Variants in DGCR2 observed in about 807,000 individuals in gnomAD.
DGCR2 encodes the protein integral membrane protein DGCR2/IDD.
Under a neutral mutation model 51.6 loss-of-function variants are expected in DGCR2, and 24 were observed. The ratio of observed to expected loss-of-function variants is 0.47; its 90% CI spans 0.34 to 0.65. The LOEUF is 0.65. Ranked by LOEUF, DGCR2 falls within the 30% of genes least tolerant of loss-of-function variation. The pLI is 0.01. For missense variants in DGCR2, 765 were observed against 772.1 expected (o/e 0.99, Z 0.11); for synonymous variants, 340 against 315.4 (o/e 1.08, Z -0.82).
chr22:19,121,468 T>G (rs1348417469), intron 1 of DGCR2: 1 of 152,218 alleles, frequency 6.6e-6, no homozygotes, highest in Non-Finnish European at 1.5e-5. Context: ...GGTCTCCTGG[T>G]TGCCACGGTT....
intron 2 of DGCR2, among the ~76,000 whole-genome samples, chr22:19,080,839 A>C (rs1047425636): frequency 2.6e-5 from 4 of 152,202 alleles, no homozygotes; most frequent in African/African-American, 9.7e-5. Context: ...GTCTCAAAAA[A>C]AAGAAATGAA....
intron 1 of DGCR2, among the ~76,000 whole-genome samples, chr22:19,112,108 A>C (rs2083322100): frequency 6.6e-6 from 1 of 151,980 alleles, no homozygotes; most frequent in African/African-American, 2.4e-5. Flanking sequence ...CCCCATCTCC[A>C]CTAAAAATAC....
intron 2 of DGCR2, among the ~76,000 whole-genome samples, chr22:19,069,908 C>T (rs942383255): frequency 1.4e-4 from 22 of 152,094 alleles, no homozygotes; most frequent in African/African-American, 7.2e-5. Context: ...TACCTGTGTC[C>T]GAGACACTTT....
Position 19,084,798 on chromosome 22 carries a change from G to A in DGCR2, c.202+4570C>T, listed in dbSNP as rs1391958933. Among the ~76,000 whole-genome samples, 110 of 118,506 alleles carry A rather than the reference G, an allele frequency of 9.3e-4. 1 individual carries two copies. The highest frequency in any genetic ancestry group is 3.1e-3 in the East Asian group (13 of 4,236). The allele number at this position is 118,506 out of a possible 152,430, so 77.7% of individuals were successfully genotyped here. A position where few individuals can be genotyped will look rare whatever the true frequency, so the allele number is the denominator to read the frequency against. On this transcript the variant is annotated intron_variant, in intron 2 of 9. Coordinates refer to ENST00000263196, the MANE Select transcript of DGCR2 (RefSeq NM_005137.3). Reference sequence around the variant, plus strand: ...CCCCGCCCGGCCAGCCGCCCCGTCCGGGAAGGAGGTGGGGGGGCGCCTCCG... The same window carrying A: ...CCCCGCCCGGCCAGCCGCCCCGTCCAGGAAGGAGGTGGGGGGGCGCCTCCG...
Position 19,063,204 on chromosome 22 carries a change from T to A in DGCR2, c.623A>T (p.Lys208Ile), listed in dbSNP as rs760849958. 1 of 1,614,154 alleles carries A rather than the reference T, an allele frequency of 6.2e-7. No individual in the cohort carries two copies. The highest frequency in any genetic ancestry group is 1.7e-5 in the Admixed American group (1 of 60,028). ...SLEGRWEVAF[K>I]GSSEVFLPPD... is the part of the protein sequence containing the mutation. ...TCCCACACACCAGAAGGGCTCACCT[T>A]TGAATGCCACCTCCCAGCGACCTTC... The change falls in exon 5 of 10, where the codon AAA becomes ATA. Residue 208 changes from lysine (K) to isoleucine (I), a missense_variant and splice_region_variant. By Grantham distance (102) the Lys-to-Ile change is moderately radical. Around this residue, in one of 3 missense-constraint regions of DGCR2, gnomAD observed 370 missense variants for 325.5 expected, o/e 1.14. Coordinates refer to ENST00000263196, the MANE Select transcript of DGCR2 (RefSeq NM_005137.3).
chr22:19,096,897 A>C (rs565189539), intron 1 of DGCR2, among the ~76,000 whole-genome samples: 57 of 151,466 alleles, frequency 3.8e-4, no homozygotes, highest in South Asian at 1.0e-3. Context: ...AAAAAAACAA[A>C]AAAAAAAAAC....
chr22:19,119,263 C>T (rs2083406052), intron 1 of DGCR2, among the ~76,000 whole-genome samples: 1 of 152,186 alleles, frequency 6.6e-6, no homozygotes, highest in Non-Finnish European at 1.5e-5. Flanking sequence ...GAAGGCCAGA[C>T]TCCTACGATG....
At chr22:19,043,374 G>A (rs117496675) in intron 7 of DGCR2, among the ~76,000 whole-genome samples, 3 of 152,304 alleles carry the variant, frequency 2.0e-5, no homozygotes, top group South Asian at 2.1e-4. Context: ...ACAGGGGCTC[G>A]ATATGAGCTG....
chr22:19,044,462 G>C (rs1243316463), intron 7 of DGCR2, among the ~76,000 whole-genome samples: 2 of 152,240 alleles, frequency 1.3e-5, no homozygotes, highest in African/African-American at 4.8e-5. Context: ...ATGGGGAGCA[G>C]AAGGTCAGCA....
intron 2 of DGCR2, among the ~76,000 whole-genome samples, chr22:19,074,835 G>A (rs1262166592): frequency 6.6e-6 from 1 of 152,144 alleles, no homozygotes; most frequent in Non-Finnish European, 1.5e-5. Context: ...AGCTGCCGCT[G>A]AGGCATCTAC....
In DGCR2 at chr22:19,064,888, C is replaced by T. The variant is rs758777267; in HGVS notation, c.508G>A (p.Asp170Asn). The part of the protein sequence containing the change: ...ELRFVLAQEW[D>N]QPERSFGWKD... ...CAACCAAAGCTCCGCTCGGGCTGGT[C>T]CCATTCCTGGGCCAGGACAAAGCGC... Residue 170 changes from aspartate (D) to asparagine (N), a missense_variant, in exon 4 of 10, where the codon GAC (aspartate) becomes AAC (asparagine). This residue lies in a region of DGCR2 where 370 missense variants were observed against 325.5 expected (regional missense o/e 1.14). Coordinates refer to ENST00000263196, the MANE Select transcript of DGCR2 (RefSeq NM_005137.3). The T allele has an allele frequency of 1.9e-6, 3 of 1,613,756 alleles. No homozygotes were observed. The highest frequency in any genetic ancestry group is 2.5e-6 in the Non-Finnish European group (3 of 1,180,020).
chr22:19,085,161 G>A (rs548238565), intron 2 of DGCR2, among the ~76,000 whole-genome samples: 117 of 151,698 alleles, frequency 7.7e-4, no homozygotes, highest in Middle Eastern at 3.4e-3. Flanking sequence ...CATGCTAAGG[G>A]ATTTCTAACA....
chr22:19,046,510 T>C (rs1239005442), intron 7 of DGCR2: 3 of 161,548 alleles, frequency 1.9e-5, no homozygotes, highest in African/African-American at 7.2e-5. Context: ...TTTTCATTTC[T>C]TCTTGCCTTC....
intron 2 of DGCR2, among the ~76,000 whole-genome samples, chr22:19,084,036 G>C (rs1024923467): frequency 1.3e-5 from 2 of 152,126 alleles, no homozygotes; most frequent in African/African-American, 4.8e-5. Context: ...ATGTTGCCCA[G>C]GCCGAAGTGC....
intron 3 of DGCR2, among the ~76,000 whole-genome samples, chr22:19,067,411 G>T (rs2145974551): frequency 6.6e-6 from 1 of 152,126 alleles, no homozygotes; most frequent in South Asian, 2.1e-4. Flanking sequence ...TTCTTAAAAT[G>T]GCTGGACACA....
At chr22:19,098,228 C>T (rs1391045428) in intron 1 of DGCR2, among the ~76,000 whole-genome samples, 1 of 152,214 alleles carries the variant, frequency 6.6e-6, no homozygotes, top group African/African-American at 2.4e-5. Flanking sequence ...ACACCACTCT[C>T]CAGGAACCCC....
chr22:19,099,124 A>G (rs2083172296), intron 1 of DGCR2, among the ~76,000 whole-genome samples: 1 of 152,162 alleles, frequency 6.6e-6, no homozygotes, highest in Non-Finnish European at 1.5e-5. Flanking sequence ...ACTCATTAAC[A>G]CTGGCACCTA....
chr22:19,090,036 C>T lies in DGCR2; in HGVS notation c.80-546G>A, dbSNP rs754156949. 6.6e-5 allele frequency among the ~76,000 whole-genome samples: 10 copies of T among 152,178 alleles called. 1 individual carries two copies. The highest frequency in any genetic ancestry group is 1.0e-4 in the Non-Finnish European group (7 of 68,038). On this transcript the variant is annotated intron_variant, in intron 1 of 9. Transcript: ENST00000263196. Reference sequence around the variant, plus strand: ...CATTTAATGCCTGGCCCTTTACGAACCTATTACCTAGAGATAAAAACTGTA... The same window carrying T: ...CATTTAATGCCTGGCCCTTTACGAATCTATTACCTAGAGATAAAAACTGTA...
In DGCR2 at chr22:19,122,239, G is replaced by A. The variant is rs536117519; in HGVS notation, c.-33C>T. 7.0e-7 allele frequency: 1 copy of A among 1,437,886 alleles called. No individual in the cohort carries two copies. Among genetic ancestry groups the A allele is most frequent in the Non-Finnish European group, 9.2e-7 (1 of 1,088,834 alleles). The allele number at this position is 1,437,886 out of a possible 1,614,324, so 89.1% of individuals were successfully genotyped here. A position where few individuals can be genotyped will look rare whatever the true frequency, so the allele number is the denominator to read the frequency against. On this transcript the variant is annotated 5_prime_UTR_variant, in exon 1 of 10. Transcript: ENST00000263196. The stretch of plus-strand genomic sequence containing the variant: ...CCGTTCATCGTCCCCGGGGCGGCTG[G>A]AAGGCCGGACCAGGCCGGACTGAGG...
Sources: allele counts gnomAD v4.1 joint callset (sites outside exome capture counted in the v4.1 genomes callset), GRCh38; gene constraint gnomAD v4.1.1; regional missense constraint gnomAD v4.1.1; transcripts MANE v1.5; gene names NCBI Gene and HGNC (gene_info 2026-07-23, HGNC 2026-07-21).